Variants in JAK2 observed in about 807,000 individuals in gnomAD.
JAK2 encodes tyrosine-protein kinase JAK2.
Under a neutral mutation model 139.3 loss-of-function variants are expected in JAK2, and 86 were observed. The ratio of observed to expected loss-of-function variants is 0.62; its 90% CI spans 0.52 to 0.74. JAK2 has a LOEUF of 0.74. Ranked by LOEUF, JAK2 falls within the 30% of genes least tolerant of loss-of-function variation. The pLI, the probability that JAK2 is intolerant of heterozygous loss-of-function variation, is 0.00. For synonymous variants in JAK2, 490 were observed against 437.7 expected, an observed-to-expected ratio of 1.12 and a Z score of -1.49; for missense variants, 1,421 against 1,360.3, an observed-to-expected ratio of 1.04 and a Z score of -0.70.
chr9:5,016,942 A>G (rs1445371492), intron 2 of JAK2, among the ~76,000 whole-genome samples: 1 of 152,232 alleles, frequency 6.6e-6, no homozygotes, highest in Non-Finnish European at 1.5e-5. Flanking sequence ...TAGAATAGAA[A>G]AAAGACATGA....
intron 2 of JAK2, among the ~76,000 whole-genome samples, chr9:5,011,621 G>A (rs1821705725): frequency 6.6e-6 from 1 of 151,934 alleles, no homozygotes; most frequent in Non-Finnish European, 1.5e-5. Flanking sequence ...TAATATTTGG[G>A]TCTGCTTTGG....
At chr9:5,004,876 T>C (rs969481189) in intron 2 of JAK2, among the ~76,000 whole-genome samples, 1 of 151,848 alleles carries the variant, frequency 6.6e-6, no homozygotes, top group Admixed American at 6.6e-5. Context: ...TTTAGTGATG[T>C]TGAACGTTTT....
intron 23 of JAK2, among the ~76,000 whole-genome samples, chr9:5,125,230 T>C (rs1823896630): frequency 6.6e-6 from 1 of 151,124 alleles, no homozygotes; most frequent in African/African-American, 2.4e-5. Context: ...ATAAAACTTT[T>C]ATAACTTTTA....
chr9:5,017,733 T>G (rs913326800), intron 2 of JAK2, among the ~76,000 whole-genome samples: 1 of 152,248 alleles, frequency 6.6e-6, no homozygotes, highest in Non-Finnish European at 1.5e-5. Flanking sequence ...TTCTTTAAAG[T>G]TGCATATCCA....
chr9:5,056,279 T>G (rs1296444800), intron 8 of JAK2, among the ~76,000 whole-genome samples: 1 of 152,140 alleles, frequency 6.6e-6, no homozygotes, highest in Non-Finnish European at 1.5e-5. Flanking sequence ...CTTTCTCTTT[T>G]TTTAAATAGC....
chr9:5,070,080 T>C (rs1229769815), intron 12 of JAK2, 28 bp downstream of exon 12: 1 of 1,518,424 alleles, frequency 6.6e-7, no homozygotes, highest in Non-Finnish European at 9.0e-7. Context: ...CATTACTGTC[T>C]TTTTTGTCCT....
rs1818600650 is a variant in JAK2 at position 5,066,750 on chromosome 9, T to A, written c.1287T>A (p.Pro429=). ...GACTGTATGTACTTCGATGCAGTCC[T>A]AAGGACTTTAATAAATATTTTTTGA... ...QTGLYVLRCS[P]KDFNKYFLTF... Residue 429 remains proline, a synonymous_variant, in exon 10 of 25, where the codon CCT becomes CCA. Transcript: ENST00000381652. 4 of 1,578,564 alleles carry A rather than the reference T, an allele frequency of 2.5e-6. No homozygotes were observed. In the African/African-American group the frequency reaches 5.5e-5, roughly 22 times the overall value.
intron 22 of JAK2, among the ~76,000 whole-genome samples, chr9:5,117,005 T>A (rs1823244274): frequency 6.6e-6 from 1 of 152,226 alleles, no homozygotes; most frequent in Non-Finnish European, 1.5e-5. Context: ...ATGAATGGGA[T>A]TAAGGCCCTT....
At chr9:5,028,216 A>G (rs183299196) in intron 3 of JAK2, among the ~76,000 whole-genome samples, 5 of 152,360 alleles carry the variant, frequency 3.3e-5, no homozygotes, top group African/African-American at 1.2e-4. Flanking sequence ...AGGCATGAAA[A>G]CAACATGAAA....
Position 5,054,538 on chromosome 9 carries a change from TCTGTATGTGCTTTTTTATCC to T in JAK2, c.615-22_615-3del. The stretch of plus-strand genomic sequence containing the variant: ...TCCAATTTTTGTTTTGTTTTGTTTT[TCTGTATGTGCTTTTTTATCC>T]CTAGCTACAAGACATTCTTACCAAA... On this transcript the variant is annotated splice_region_variant and splice_polypyrimidine_tract_variant and intron_variant, in intron 6 of 24. Transcript: ENST00000381652. The surrounding 1 kb of genome is among the most constrained non-coding windows in gnomAD (Gnocchi z 4.9). 6.6e-7 allele frequency: 1 copy of T among 1,526,416 alleles called. No individual in the cohort carries two copies. 94.6% of individuals were successfully genotyped at this position (1,526,416 alleles called of 1,614,324 possible).
chr9:5,127,764 T>C lies in JAK2; in HGVS notation c.*973T>C, dbSNP rs1478407182. 4 of 232,558 alleles carry C rather than the reference T, an allele frequency of 1.7e-5. No individual in the cohort carries two copies. Among genetic ancestry groups the C allele is most frequent in the Non-Finnish European group, 2.6e-5 (3 of 117,304 alleles). The allele number at this position is 232,558 out of a possible 1,614,324, so 14.4% of individuals were successfully genotyped here. ...GATTAGATTGTTTTTTAAAAATGGA[T>C]AGCTCATTAAGAAGTGCAGCAGGTT... On this transcript the variant is annotated 3_prime_UTR_variant, in exon 25 of 25. Transcript: ENST00000381652.
chr9:5,099,225 C>A (rs1821271698), intron 22 of JAK2: 1 of 152,204 alleles, frequency 6.6e-6, no homozygotes, highest in African/African-American at 2.4e-5. Context: ...CAGGTCTTTA[C>A]TATGGACAGT....
intron 14 of JAK2, among the ~76,000 whole-genome samples, chr9:5,075,525 C>A (rs1353282231): frequency 2.6e-5 from 4 of 152,186 alleles, no homozygotes; most frequent in South Asian, 2.1e-4. Flanking sequence ...GTGCTCTATA[C>A]ATGGAACAAG....
At chr9:5,112,657 T>C in intron 22 of JAK2, 1 of 975,102 alleles carries the variant, frequency 1.0e-6, no homozygotes, top group Non-Finnish European at 1.4e-6. Context: ...CCAAACTCCT[T>C]ATCCTGCACC....
chr9:5,075,057 C>G (rs1819217562), intron 14 of JAK2, among the ~76,000 whole-genome samples: 1 of 151,942 alleles, frequency 6.6e-6, no homozygotes, highest in African/African-American at 2.4e-5. Flanking sequence ...TGAGCCAAAG[C>G]CCAATCTAGA....
Position 5,104,639 on chromosome 9 carries a change from C to T in JAK2, c.3059+13728C>T, listed in dbSNP as rs537132658. ...ATTTTAGACCAATATCCCTGATGAA[C>T]GTCGATGTGAAAATCCTCAATAAAA... On this transcript the variant is annotated intron_variant, in intron 22 of 24. Coordinates refer to ENST00000381652, the MANE Select transcript of JAK2 (RefSeq NM_004972.4). Among the ~76,000 whole-genome samples the T allele has an allele frequency of 5.9e-5, 9 of 152,280 alleles. No homozygotes were observed. The East Asian group carries it at 1.5e-3, about 26-fold the overall frequency.
chr9:4,984,729 C>T, upstream of JAK2: 1 of 152,400 alleles, frequency 6.6e-6, no homozygotes, highest in East Asian at 1.9e-4. Flanking sequence ...AGCCCGGCCT[C>T]CTCCAGTGCA....
intron 22 of JAK2, chr9:5,114,717 C>T: frequency 2.6e-6 from 1 of 381,308 alleles, no homozygotes; most frequent in South Asian, 2.1e-5. Context: ...TGAATGGGAA[C>T]AGAAAAACGA....
chr9:5,030,939 TCTTATATGCAAG>T (rs1489780834), intron 4 of JAK2, among the ~76,000 whole-genome samples: 1 of 152,108 alleles, frequency 6.6e-6, no homozygotes, highest in Non-Finnish European at 1.5e-5. Context: ...TCAACAGCAT[TCTTATATGCAAG>T]CAACCAGTTA....
Sources: allele counts gnomAD v4.1 joint callset (sites outside exome capture counted in the v4.1 genomes callset), GRCh38; gene constraint gnomAD v4.1.1; non-coding constraint Gnocchi (gnomAD v3.1); transcripts MANE v1.5; gene names NCBI Gene and HGNC (gene_info 2026-07-23, HGNC 2026-07-21).